The following LAMA1 variants were observed in gnomAD, a reference collection of about 807,000 sequenced individuals.
LAMA1 encodes the protein laminin subunit alpha-1.
A neutral mutation model predicts 348.7 loss-of-function variants in LAMA1; 219 were observed. That is an observed-to-expected ratio of 0.63 (90% CI 0.56 to 0.70). The LOEUF is 0.70. Among genes scored for constraint, LAMA1 ranks in the 30% least tolerant of loss-of-function variants. The probability of loss-of-function intolerance (pLI) is 0.00; values close to 1 mark genes in which losing one functional copy is unlikely to be tolerated. For synonymous variants in LAMA1, 1,487 were observed against 1,491.0 expected, an observed-to-expected ratio of 1.00 and a Z score of 0.06; for missense variants, 3,744 against 3,888.0, an observed-to-expected ratio of 0.96 and a Z score of 0.99.
chr18:7,034,534 C>T lies in LAMA1; in HGVS notation c.1996G>A (p.Val666Met), dbSNP rs1168511679. Residue 666 changes from valine to methionine, a missense_variant, in exon 14 of 63, where the codon GTG becomes ATG. Transcript: ENST00000389658. The part of the protein sequence containing the change: ...RDQLMTVLAN[V>M]THLLIRANYN... The stretch of plus-strand genomic sequence containing the variant: ...TTGGCTCTGATCAAAAGATGTGTCA[C>T]ATTGGCAAGGACAGTCATCAGCTGG... 6.8e-6 allele frequency: 11 copies of T among 1,614,138 alleles called. No individual in the cohort carries two copies. The highest frequency in any genetic ancestry group is 1.3e-5 in the African/African-American group (1 of 75,022).
chr18:7,051,676 T>C (rs1015629108), intron 3 of LAMA1, among the ~76,000 whole-genome samples: 3 of 152,186 alleles, frequency 2.0e-5, no homozygotes, highest in African/African-American at 7.2e-5. Flanking sequence ...GTTAAAAGTA[T>C]TTTTCATAGT....
At chr18:7,085,503 C>G (rs1373847419) in intron 1 of LAMA1, among the ~76,000 whole-genome samples, 2 of 149,582 alleles carry the variant, frequency 1.3e-5, no homozygotes, top group African/African-American at 5.0e-5. Context: ...ACTGCAAGCT[C>G]CACCTCCCGG....
intron 34 of LAMA1, among the ~76,000 whole-genome samples, chr18:6,994,114 T>C (rs2057770184): frequency 6.6e-6 from 1 of 152,212 alleles, no homozygotes; most frequent in African/African-American, 2.4e-5. Context: ...TACTGATTTG[T>C]ATGGCCTATG....
intron 46 of LAMA1, among the ~76,000 whole-genome samples, chr18:6,973,605 C>A (rs1038757101): frequency 1.3e-5 from 2 of 152,058 alleles, no homozygotes; most frequent in Admixed American, 6.6e-5. Context: ...TTGCTTTGTG[C>A]CTGAATTTTA....
At position 6,980,646 on chromosome 18, in the gene LAMA1, A is replaced by C; in HGVS notation, c.5891-9T>G. 6.5e-7 allele frequency: 1 copy of C among 1,547,364 alleles called. No individual in the cohort carries two copies. The highest frequency in any genetic ancestry group is 8.9e-7 in the Non-Finnish European group (1 of 1,120,446). ...CAGTTCCAATGCAATACCTATTTAA[A>C]GGGAGAAAAATGTTTCCTTTCAGGT... is the stretch of plus-strand genomic sequence containing the variant. On this transcript the variant is annotated splice_polypyrimidine_tract_variant and intron_variant, in intron 41 of 62. Coordinates refer to ENST00000389658, the MANE Select transcript of LAMA1 (RefSeq NM_005559.4).
chr18:6,954,966 T>C, intron 57 of LAMA1: 1 of 329,660 alleles, frequency 3.0e-6, no homozygotes. Flanking sequence ...CACTCGGGAT[T>C]TTGGCCACCA....
At chr18:7,106,312 T>C (rs2058311443) in intron 1 of LAMA1, among the ~76,000 whole-genome samples, 1 of 151,942 alleles carries the variant, frequency 6.6e-6, no homozygotes, top group Non-Finnish European at 1.5e-5. Context: ...TTTATGATGT[T>C]AACTGAGTGG....
intron 1 of LAMA1, among the ~76,000 whole-genome samples, chr18:7,086,840 G>A (rs1312319887): frequency 6.6e-6 from 1 of 152,084 alleles, no homozygotes; most frequent in African/African-American, 2.4e-5. Flanking sequence ...GCTATTAAAT[G>A]AGTATCTCTA....
chr18:6,999,984 A>G lies in LAMA1; in HGVS notation c.4396T>C (p.Cys1466Arg). ...AAATCGTGGTCCCCTTCCAAGACAC[A>G]AGTGGGACTAAAACTGGAGGAAAAG... The part of the protein sequence containing the change: ...HSPPASFSPT[C>R]VLEGDHDFRC... The change falls in exon 31 of 63, where the codon TGT becomes CGT. Residue 1466 changes from cysteine (C) to arginine (R), a missense_variant. This residue lies in a region of LAMA1 where 1,983 missense variants were observed against 1,934.3 expected (regional missense o/e 1.03). Coordinates refer to ENST00000389658, the MANE Select transcript of LAMA1 (RefSeq NM_005559.4). 1.2e-6 allele frequency: 2 copies of G among 1,613,414 alleles called. No homozygotes were observed. Among genetic ancestry groups the G allele is most frequent in the East Asian group, 4.5e-5 (2 of 44,878 alleles).
chr18:6,956,673 T>A lies in LAMA1; in HGVS notation c.8057A>T (p.Glu2686Val). The change falls in exon 56 of 63, where the codon GAG becomes GTG. Residue 2686 changes from glutamate (E) to valine (V), a missense_variant. Physicochemically the swap from Glu to Val is moderately radical, Grantham distance 121. Coordinates refer to ENST00000389658, the MANE Select transcript of LAMA1 (RefSeq NM_005559.4). ...GGGCTCTGGCAAGAGCTTGCTGTCC[T>A]CTGCATCGGGAGCCAGCTTAGGCCT... ...SERPKLAPDA[E>V]DSKLLPEPRA... 1.2e-6 allele frequency: 2 copies of A among 1,614,218 alleles called. No individual in the cohort carries two copies.
At chr18:7,107,685 C>T (rs910341100) in intron 1 of LAMA1, among the ~76,000 whole-genome samples, 2 of 152,130 alleles carry the variant, frequency 1.3e-5, no homozygotes, top group Non-Finnish European at 2.9e-5. Context: ...TGACAATACT[C>T]CTATAAGGAA....
chr18:6,974,578 T>A (rs1568013885), intron 46 of LAMA1, among the ~76,000 whole-genome samples: 1 of 151,376 alleles, frequency 6.6e-6, no homozygotes, highest in Non-Finnish European at 1.5e-5. Flanking sequence ...TGCCTCAGTC[T>A]CTTGAGTAGC....
intron 3 of LAMA1, among the ~76,000 whole-genome samples, chr18:7,051,199 T>G (rs1296787992): frequency 6.6e-6 from 1 of 152,160 alleles, no homozygotes; most frequent in Admixed American, 6.6e-5. Context: ...TACTAGAAAT[T>G]TATTTATTAA....
At chr18:7,019,199 C>G (rs962793215) in intron 19 of LAMA1, among the ~76,000 whole-genome samples, 1 of 152,164 alleles carries the variant, frequency 6.6e-6, no homozygotes, top group African/African-American at 2.4e-5. Flanking sequence ...TCCCTAAAGT[C>G]TCCAGAGATT....
intron 23 of LAMA1, 110 bp downstream of exon 23, chr18:7,013,705 C>T (rs1017107276): frequency 4.3e-5 from 41 of 952,540 alleles, no homozygotes; most frequent in Non-Finnish European, 6.5e-5. Flanking sequence ...GGAGTGTGAA[C>T]TCACTAGGAA....
chr18:7,074,929 A>G (rs1252137840), intron 3 of LAMA1, among the ~76,000 whole-genome samples: 1 of 122,650 alleles, frequency 8.2e-6, no homozygotes, highest in Admixed American at 1.0e-4. Context: ...TCTTTTCTTT[A>G]GTTTATCTTG....
intron 36 of LAMA1, among the ~76,000 whole-genome samples, chr18:6,990,244 T>C (rs966539545): frequency 6.6e-6 from 1 of 152,198 alleles, no homozygotes; most frequent in Non-Finnish European, 1.5e-5. Context: ...GGCTCTATTG[T>C]TCCCCTGTAT....
At chr18:6,944,358 A>T (rs181437316) in intron 61 of LAMA1, among the ~76,000 whole-genome samples, 36 of 152,000 alleles carry the variant, frequency 2.4e-4, no homozygotes, top group African/African-American at 8.2e-4. Context: ...ATATTTACTA[A>T]CTCTCTTCTG....
intron 47 of LAMA1, 78 bp downstream of exon 47, chr18:6,972,978 AC>A (rs1414473727): frequency 1.0e-5 from 16 of 1,533,750 alleles, no homozygotes; most frequent in Admixed American, 5.0e-5. Flanking sequence ...GGCGTGAGCC[AC>A]CACGCCCGGC....
Sources: gnomAD v4.1 joint callset for allele counts (sites outside exome capture counted in the v4.1 genomes callset) on GRCh38, gnomAD v4.1.1 for gene constraint, gnomAD v4.1.1 regional missense constraint, MANE v1.5 for transcripts, NCBI Gene and HGNC (gene_info 2026-07-23, HGNC 2026-07-21) for gene names.